PLCB1: variants seen among roughly 807,000 people sequenced by gnomAD.
PLCB1 encodes phospholipase C beta 1.
In PLCB1, 46 loss-of-function variants were observed where a neutral mutation model predicts 161.8. The observed-to-expected ratio is 0.28, with a 90% CI of 0.22 to 0.36. PLCB1 has a LOEUF of 0.36. Among genes scored for constraint, PLCB1 ranks in the 10% least tolerant of loss-of-function variants. PLCB1 has a pLI of 1.00. For synonymous variants in PLCB1, 517 were observed against 503.7 expected (o/e 1.03, Z -0.35); for missense variants, 1,016 against 1,472.5 (o/e 0.69, Z 5.07).
At chr20:8,724,853 T>G in intron 16 of PLCB1, 101 bp downstream of exon 16, 1 of 657,182 alleles carries the variant, frequency 1.5e-6, no homozygotes, top group East Asian at 2.7e-5. Flanking sequence ...ATAGAGAGAT[T>G]TATGCTTTTG....
intron 27 of PLCB1, among the ~76,000 whole-genome samples, chr20:8,776,341 C>G (rs1445794839): frequency 1.3e-5 from 2 of 152,168 alleles, no homozygotes; most frequent in Non-Finnish European, 2.9e-5. Context: ...GAACCTTGGT[C>G]CTCGGGTTCT....
At chr20:8,638,095 C>G (rs1988821858) in intron 4 of PLCB1, among the ~76,000 whole-genome samples, 1 of 152,140 alleles carries the variant, frequency 6.6e-6, no homozygotes, top group Non-Finnish European at 1.5e-5. Context: ...GGGGTTTCAC[C>G]ATGTTAGCCA....
At chr20:8,258,912 T>G (rs1600268395) in intron 2 of PLCB1, among the ~76,000 whole-genome samples, 1 of 152,140 alleles carries the variant, frequency 6.6e-6, no homozygotes, top group Non-Finnish European at 1.5e-5. Context: ...AGTCAAGATA[T>G]ACGACAGTTC....
chr20:8,826,823 T>G (rs1052558920), intron 31 of PLCB1, among the ~76,000 whole-genome samples: 4 of 152,226 alleles, frequency 2.6e-5, no homozygotes, highest in African/African-American at 9.6e-5. Context: ...ACAGGTATGC[T>G]AAATGGTTGT....
chr20:8,750,646 T>G (rs1981408533), intron 23 of PLCB1, among the ~76,000 whole-genome samples: 1 of 152,174 alleles, frequency 6.6e-6, no homozygotes, highest in African/African-American at 2.4e-5. Context: ...TTAAAGTGAT[T>G]CTGAATTTCT....
At chr20:8,623,881 T>G (rs1988255016) in intron 3 of PLCB1, 1 of 152,176 alleles carries the variant, frequency 6.6e-6, no homozygotes, top group African/African-American at 2.4e-5. Context: ...ATAGCCTTCA[T>G]CACACTCATA....
chr20:8,510,589 C>T (rs1983844560), intron 3 of PLCB1, among the ~76,000 whole-genome samples: 1 of 151,962 alleles, frequency 6.6e-6, no homozygotes, highest in Admixed American at 6.6e-5. Context: ...CGAGGTTTCG[C>T]CATGTTGGCC....
chr20:8,523,149 G>C (rs977692667), intron 3 of PLCB1, among the ~76,000 whole-genome samples: 10 of 152,052 alleles, frequency 6.6e-5, no homozygotes, highest in East Asian at 1.9e-4. Context: ...TTGGACAAAG[G>C]GGGTAGTAGG....
intron 11 of PLCB1, among the ~76,000 whole-genome samples, chr20:8,698,212 C>T (rs1287768975): frequency 2.6e-5 from 4 of 152,126 alleles, no homozygotes; most frequent in Non-Finnish European, 4.4e-5. Context: ...TGTATCCATT[C>T]CCATCAGAAT....
intron 2 of PLCB1, among the ~76,000 whole-genome samples, chr20:8,225,637 C>A (rs1453870826): frequency 2.0e-5 from 3 of 152,296 alleles, no homozygotes; most frequent in Admixed American, 6.5e-5. Flanking sequence ...TTTTTGCTCT[C>A]TTGATTTACC....
intron 26 of PLCB1, among the ~76,000 whole-genome samples, chr20:8,769,361 C>T (rs528656887): frequency 1.3e-5 from 2 of 150,382 alleles, no homozygotes; most frequent in East Asian, 1.9e-4. Context: ...CAAAAGTATC[C>T]CTTAGTTCTA....
intron 4 of PLCB1, among the ~76,000 whole-genome samples, chr20:8,635,318 A>G (rs1988726517): frequency 2.0e-5 from 3 of 152,110 alleles, no homozygotes; most frequent in Admixed American, 2.0e-4. Flanking sequence ...AGGAAAAGGA[A>G]AAGGGGAGGC....
intron 3 of PLCB1, among the ~76,000 whole-genome samples, chr20:8,529,632 G>A (rs1042471181): frequency 8.2e-4 from 79 of 95,928 alleles, no homozygotes; most frequent in Middle Eastern, 6.0e-3. Context: ...TATTTTCTCA[G>A]TAGTTAATAT....
chr20:8,488,639 T>A (rs1026214645), intron 3 of PLCB1, among the ~76,000 whole-genome samples: 3 of 152,178 alleles, frequency 2.0e-5, no homozygotes, highest in African/African-American at 7.2e-5. Flanking sequence ...TTAATTCACT[T>A]CTGCAATGGT....
rs199814118 is a variant in PLCB1 at position 8,614,195 on chromosome 20, T to TA, written c.247-14090dup. ...TTATTTTTCAGCAGACTATCAAAGA[T>TA]AAAAAAAAATTGTCAATAACCCATG... On this transcript the variant is annotated intron_variant, in intron 3 of 31. Coordinates refer to ENST00000338037, the MANE Select transcript of PLCB1 (RefSeq NM_015192.4). 5.2e-3 allele frequency among the ~76,000 whole-genome samples: 784 copies of TA among 151,374 alleles called. 12 individuals are homozygous for TA. The highest frequency in any genetic ancestry group is 0.018 in the African/African-American group (749 of 41,356).
chr20:8,226,988 A>C (rs1047383994), intron 2 of PLCB1, among the ~76,000 whole-genome samples: 1 of 152,176 alleles, frequency 6.6e-6, no homozygotes, highest in Non-Finnish European at 1.5e-5. Flanking sequence ...CGCCCGGCCA[A>C]GTAAAACCAA....
intron 2 of PLCB1, among the ~76,000 whole-genome samples, chr20:8,185,811 A>T (rs1024946616): frequency 1.3e-5 from 2 of 152,104 alleles, no homozygotes; most frequent in Non-Finnish European, 1.5e-5. Context: ...CTCATTCATG[A>T]CTTCTTTAAT....
intron 23 of PLCB1, among the ~76,000 whole-genome samples, chr20:8,749,957 T>A (rs73598302): frequency 0.076 from 171 of 2,238 alleles, no homozygotes; most frequent in Admixed American, 0.25. Context: ...CATTCAATAT[T>A]TTTTTTTTAA....
intron 3 of PLCB1, among the ~76,000 whole-genome samples, chr20:8,522,198 T>C (rs1042179488): frequency 1.3e-5 from 2 of 152,198 alleles, no homozygotes; most frequent in East Asian, 1.9e-4. Flanking sequence ...AGATGCAATG[T>C]AGGATCTGGA....
Sources: gnomAD v4.1 joint callset for allele counts (sites outside exome capture counted in the v4.1 genomes callset) on GRCh38, gnomAD v4.1.1 for gene constraint, MANE v1.5 for transcripts, NCBI Gene and HGNC (gene_info 2026-07-23, HGNC 2026-07-21) for gene names.